Variants in BCAS3 observed in about 807,000 individuals in gnomAD.
The protein encoded by BCAS3 is BCAS4/BCAS3 fusion.
A neutral mutation model predicts 116.1 loss-of-function variants in BCAS3; 53 were observed. That is an observed-to-expected ratio of 0.46 (90% CI 0.37 to 0.57). BCAS3 has a LOEUF of 0.57. Among genes scored for constraint, BCAS3 ranks in the 20% least tolerant of loss-of-function variants. The pLI is 0.00. For synonymous variants in BCAS3, 391 were observed against 408.2 expected (o/e 0.96, Z 0.51); for missense variants, 917 against 1,165.4 (o/e 0.79, Z 3.10).
intron 22 of BCAS3, among the ~76,000 whole-genome samples, chr17:61,238,252 C>T (rs1188223337): frequency 4.2e-5 from 6 of 143,856 alleles, no homozygotes; most frequent in African/African-American, 1.3e-4. Context: ...GATGGAGTTT[C>T]GCTCTTGTTG....
intron 4 of BCAS3, among the ~76,000 whole-genome samples, chr17:60,704,092 G>A (rs1366295585): frequency 6.6e-6 from 1 of 152,060 alleles, no homozygotes; most frequent in Admixed American, 6.6e-5. Flanking sequence ...AAAGAAGTTT[G>A]GTTTAAAAAA....
At chr17:61,107,082 C>CTTTTTTTT (rs755754824) in intron 22 of BCAS3, among the ~76,000 whole-genome samples, 7 of 106,366 alleles carry the variant, frequency 6.6e-5, no homozygotes, top group Admixed American at 1.2e-4. Flanking sequence ...ACTAGGCTTA[C>CTTTTTTTT]TTTTTTTTTT....
At chr17:61,351,494 C>T (rs1385435432) in intron 22 of BCAS3, among the ~76,000 whole-genome samples, 2 of 152,106 alleles carry the variant, frequency 1.3e-5, no homozygotes, top group Non-Finnish European at 1.5e-5. Flanking sequence ...AATCTTAGCA[C>T]GATTTTGAAA....
At chr17:60,789,677 T>C (rs539724048) in intron 6 of BCAS3, among the ~76,000 whole-genome samples, 2 of 152,278 alleles carry the variant, frequency 1.3e-5, no homozygotes, top group African/African-American at 4.8e-5. Flanking sequence ...ATTCTCTCTA[T>C]TGTACATGCA....
At chr17:61,002,042 C>A (rs1568087155) in intron 15 of BCAS3, among the ~76,000 whole-genome samples, 1 of 151,892 alleles carries the variant, frequency 6.6e-6, no homozygotes, top group Non-Finnish European at 1.5e-5. Flanking sequence ...GTTTTAGGTT[C>A]TCAGTAAAAT....
rs373405267 is a variant in BCAS3, at chr17:60,868,441, TG to T, written c.477-132del. ...ATAAGGGATGTATTATGATCATTTT[TG>T]GGATAAGTTTTGAATCAATTTACTA... On this transcript the variant is annotated intron_variant, in intron 7 of 23. Transcript: ENST00000407086. The T allele has an allele frequency of 5.1e-4, 263 of 514,188 alleles. 1 individual carries two copies. Among genetic ancestry groups the T allele is most frequent in the African/African-American group, 4.8e-3 (239 of 49,600 alleles). 31.9% of individuals were successfully genotyped at this position (514,188 alleles called of 1,614,324 possible).
Position 61,380,411 on chromosome 17 carries a change from T to G in BCAS3, c.2594-11566T>G. The stretch of plus-strand genomic sequence containing the variant: ...CAAAGCTCTCAGTGGTCAAACCAGA[T>G]TTGGGTATCGACTCACTTTGATCTC... On this transcript the variant is annotated intron_variant, in intron 23 of 23. Transcript: ENST00000407086. This position sits in a 1 kb window ranked among gnomAD's most constrained non-coding sequence, Gnocchi z 4.2. 8.5e-7 allele frequency: 1 copy of G among 1,182,640 alleles called. No homozygotes were observed. The highest frequency in any genetic ancestry group is 1.2e-6 in the Non-Finnish European group (1 of 822,028). The allele number at this position is 1,182,640 out of a possible 1,614,324, so 73.3% of individuals were successfully genotyped here. A position where few individuals can be genotyped will look rare whatever the true frequency, so the allele number is the denominator to read the frequency against.
chr17:61,214,718 C>G lies in BCAS3; in HGVS notation c.2425+130154C>G, dbSNP rs185936766. On this transcript the variant is annotated intron_variant, in intron 22 of 23. Coordinates refer to ENST00000407086, the MANE Select transcript of BCAS3 (RefSeq NM_017679.5). This position sits in a 1 kb window ranked among gnomAD's most constrained non-coding sequence, Gnocchi z 4.4. The stretch of plus-strand genomic sequence containing the variant: ...AAAAAAAGAAAAAAAGAAAAAAATT[C>G]AAAAACATTTTTTAATGAACTATAG... Among the ~76,000 whole-genome samples, 1 of 152,024 alleles carries G rather than the reference C, an allele frequency of 6.6e-6. No individual in the cohort carries two copies. Among genetic ancestry groups the G allele is most frequent in the Non-Finnish European group, 1.5e-5 (1 of 67,996 alleles).
intron 10 of BCAS3, among the ~76,000 whole-genome samples, chr17:60,890,213 GGAGGCT>G (rs2057042813): frequency 6.6e-6 from 1 of 152,200 alleles, no homozygotes; most frequent in Non-Finnish European, 1.5e-5. Flanking sequence ...CAGCACTTTG[GGAGGCT>G]GAGGCAGGTG....
At chr17:60,814,296 T>C (rs1307389453) in intron 7 of BCAS3, among the ~76,000 whole-genome samples, 96 of 124,478 alleles carry the variant, frequency 7.7e-4, no homozygotes, top group African/African-American at 2.1e-3. Flanking sequence ...TGTGTGTGTG[T>C]GTGTGTGTGT....
At chr17:60,957,129 A>G (rs764378098) in intron 14 of BCAS3, among the ~76,000 whole-genome samples, 1 of 152,188 alleles carries the variant, frequency 6.6e-6, no homozygotes, top group Non-Finnish European at 1.5e-5. Flanking sequence ...TATTTTGTTA[A>G]CATACTTTCT....
At position 60,727,810 on chromosome 17, in the gene BCAS3, C is replaced by CTTT. The variant is rs756342642; in HGVS notation, c.321+18498_321+18500dup. On this transcript the variant is annotated intron_variant, in intron 5 of 23. Coordinates refer to ENST00000407086, the MANE Select transcript of BCAS3 (RefSeq NM_017679.5). Reference sequence around the variant, plus strand: ...TCATTTTTGGTGGTATACTTTTTTCCTTTTTTTTTTTTTTTGACACAGGGT... The same window carrying CTTT: ...TCATTTTTGGTGGTATACTTTTTTCCTTTTTTTTTTTTTTTTTTGACACAGGGT... Among the ~76,000 whole-genome samples, 6 of 139,736 alleles carry CTTT rather than the reference C, an allele frequency of 4.3e-5. No individual in the cohort carries two copies. In the East Asian group the frequency reaches 1.2e-3, roughly 29 times the overall value. The allele number at this position is 139,736 out of a possible 152,430, so 91.7% of individuals were successfully genotyped here.
At chr17:60,947,538 T>C (rs1039237429) in intron 14 of BCAS3, among the ~76,000 whole-genome samples, 186 bp downstream of exon 14, 9 of 152,186 alleles carry the variant, frequency 5.9e-5, no homozygotes, top group Admixed American at 5.9e-4. Flanking sequence ...AAGCACTAGA[T>C]GAACATTTTT....
intron 22 of BCAS3, among the ~76,000 whole-genome samples, chr17:61,310,470 CT>C (rs1357885692): frequency 6.6e-6 from 1 of 151,854 alleles, no homozygotes; most frequent in Admixed American, 6.6e-5. Context: ...AGGAGAATCC[CT>C]TGAACCCAAG....
At position 61,388,342 on chromosome 17, in the gene BCAS3, A is replaced by C; in HGVS notation, c.2594-3635A>C. ...CTCCCACTTCCTAAAACTGTTCTTC[A>C]TGTTGAACCTGTGACTCCTCTCCCC... On this transcript the variant is annotated intron_variant, in intron 23 of 23. Coordinates refer to ENST00000407086, the MANE Select transcript of BCAS3 (RefSeq NM_017679.5). The surrounding 1 kb of genome is among the most constrained non-coding windows in gnomAD (Gnocchi z 6.5). 1 of 407,244 alleles carries C rather than the reference A, an allele frequency of 2.5e-6. No homozygotes were observed. The highest frequency in any genetic ancestry group is 3.0e-5 in the South Asian group (1 of 33,674). The allele number at this position is 407,244 out of a possible 1,614,324, so 25.2% of individuals were successfully genotyped here.
At position 61,261,747 on chromosome 17, in the gene BCAS3, T is replaced by C. The variant is rs1172922034; in HGVS notation, c.2426-106580T>C. Among the ~76,000 whole-genome samples, 1 of 152,254 alleles carries C rather than the reference T, an allele frequency of 6.6e-6. No individual in the cohort carries two copies. Among genetic ancestry groups the C allele is most frequent in the Admixed American group, 6.5e-5 (1 of 15,288 alleles). Reference sequence around the variant, plus strand: ...CAACTCATATGAGGCTGTTTCACTGTAGACTGAGATTGTCAAGACTTCTCA... The same window carrying C: ...CAACTCATATGAGGCTGTTTCACTGCAGACTGAGATTGTCAAGACTTCTCA... On this transcript the variant is annotated intron_variant, in intron 22 of 23. Transcript: ENST00000407086. This position sits in a 1 kb window ranked among gnomAD's most constrained non-coding sequence, Gnocchi z 4.4.
chr17:61,239,017 T>A lies in BCAS3; in HGVS notation c.2426-129310T>A, dbSNP rs150669580. ...AATGCTTGGGTACCTAAGATTTTTTTAATTTGTTCGTGTATATTTTTAGCA... is the reference window on the plus strand; with the variant it reads ...AATGCTTGGGTACCTAAGATTTTTTAAATTTGTTCGTGTATATTTTTAGCA... On this transcript the variant is annotated intron_variant, in intron 22 of 23. Transcript: ENST00000407086. This position sits in a 1 kb window ranked among gnomAD's most constrained non-coding sequence, Gnocchi z 4.2. Among the ~76,000 whole-genome samples, 249 of 152,302 alleles carry A rather than the reference T, an allele frequency of 1.6e-3. 6 individuals are homozygous for A. The East Asian group carries it at 0.04, about 25-fold the overall frequency.
chr17:61,342,340 A>AT (rs1480998994), intron 22 of BCAS3, among the ~76,000 whole-genome samples: 1 of 152,226 alleles, frequency 6.6e-6, no homozygotes, highest in African/African-American at 2.4e-5. Context: ...CAACGTGCTT[A>AT]TGAAGAGCCA....
intron 19 of BCAS3, among the ~76,000 whole-genome samples, chr17:61,047,208 T>C (rs1013491166): frequency 2.6e-5 from 4 of 152,034 alleles, no homozygotes; most frequent in African/African-American, 9.7e-5. Flanking sequence ...AGAATTTTGC[T>C]GTATCACAAA....
Sources: gnomAD v4.1 joint callset for allele counts (sites outside exome capture counted in the v4.1 genomes callset) on GRCh38, gnomAD v4.1.1 for gene constraint, Gnocchi (gnomAD v3.1) non-coding constraint, MANE v1.5 for transcripts, NCBI Gene and HGNC (gene_info 2026-07-23, HGNC 2026-07-21) for gene names.